The following ZBTB11 variants were observed in gnomAD, a reference collection of about 807,000 sequenced individuals.
ZBTB11 encodes the protein zinc finger and BTB domain-containing protein 11.
A neutral mutation model predicts 113.1 loss-of-function variants in ZBTB11; 68 were observed. The observed-to-expected ratio is 0.60, with a 90% CI of 0.49 to 0.74. The LOEUF is 0.74. ZBTB11 is among the 30% of genes least tolerant of loss of function. The probability of loss-of-function intolerance (pLI) is 0.00; values close to 1 mark genes in which losing one functional copy is unlikely to be tolerated. For missense variants in ZBTB11, 1,104 were observed against 1,279.4 expected (o/e 0.86, Z 2.09); for synonymous variants, 518 against 452.6 (o/e 1.14, Z -1.83).
chr3:101,665,831 A>G (rs1335986940), intron 3 of ZBTB11, 23 bp from the exon 4 acceptor site: 1 of 1,543,916 alleles, frequency 6.5e-7, no homozygotes, highest in South Asian at 1.3e-5. Flanking sequence ...AAAGAAGGTA[A>G]AGACAAAAAA....
At chr3:101,659,650 T>C (rs1936853770) in intron 6 of ZBTB11, 133 bp downstream of exon 6, 1 of 1,117,414 alleles carries the variant, frequency 8.9e-7, no homozygotes. Flanking sequence ...ATCTAGGCAA[T>C]AAAGAAGTCA....
intron 6 of ZBTB11, among the ~76,000 whole-genome samples, chr3:101,657,987 A>C (rs903927450): frequency 6.6e-6 from 1 of 152,172 alleles, no homozygotes; most frequent in African/African-American, 2.4e-5. Flanking sequence ...GGTAATAAGA[A>C]AGACCCTGTC....
At chr3:101,655,018 T>C (rs1936771446) in intron 7 of ZBTB11, among the ~76,000 whole-genome samples, 197 bp from the exon 8 acceptor site, 3 of 152,014 alleles carry the variant, frequency 2.0e-5, no homozygotes, top group South Asian at 2.1e-4. Flanking sequence ...GCTGGGACTA[T>C]AGGCACGTGC....
Position 101,665,571 on chromosome 3 carries a change from C to T in ZBTB11, c.1016G>A (p.Gly339Asp), listed in dbSNP as rs145077673. 1 of 1,614,242 alleles carries T rather than the reference C, an allele frequency of 6.2e-7. No individual in the cohort carries two copies. Among genetic ancestry groups the T allele is most frequent in the Non-Finnish European group, 8.5e-7 (1 of 1,180,042 alleles). The change falls in exon 4 of 11, where the codon GGT becomes GAT. Residue 339 changes from glycine to aspartate, a missense_variant. By Grantham distance (94) the Gly-to-Asp change is moderately conservative. Around this residue, in one of 5 missense-constraint regions of ZBTB11, gnomAD observed 535 missense variants for 518.6 expected, o/e 1.03. Coordinates refer to ENST00000312938, the MANE Select transcript of ZBTB11 (RefSeq NM_014415.4). ...ACTGCTAGCAACAGGAGGTGCTGTACCTCCATTCTGTACTCGTAAGTCCTG... is the reference window on the plus strand; with the variant it reads ...ACTGCTAGCAACAGGAGGTGCTGTATCTCCATTCTGTACTCGTAAGTCCTG... ...STQDLRVQNG[G>D]TAPPVASSEG...
At chr3:101,668,701 C>T (rs1480461706) in intron 3 of ZBTB11, among the ~76,000 whole-genome samples, 1 of 151,500 alleles carries the variant, frequency 6.6e-6, no homozygotes, top group Non-Finnish European at 1.5e-5. Flanking sequence ...ATAGGTATAT[C>T]CTAATTACCC....
rs1936651095 is a variant in ZBTB11, at chr3:101,649,037, C to G, written c.*2129G>C. ...AGATGATCTCCTCTCCAACCGTCCC[C>G]AGCTGAACTCCTCTGGACGTTTAGA... On this transcript the variant is annotated 3_prime_UTR_variant, in exon 11 of 11. Coordinates refer to ENST00000312938, the MANE Select transcript of ZBTB11 (RefSeq NM_014415.4). 1 of 152,278 alleles carries G rather than the reference C, an allele frequency of 6.6e-6. No homozygotes were observed. Among genetic ancestry groups the G allele is most frequent in the Admixed American group, 6.5e-5 (1 of 15,290 alleles). The allele number at this position is 152,278 out of a possible 1,614,324, so 9.4% of individuals were successfully genotyped here.
intron 3 of ZBTB11, among the ~76,000 whole-genome samples, chr3:101,668,507 T>C (rs1937032256): frequency 6.6e-6 from 1 of 151,902 alleles, no homozygotes; most frequent in Admixed American, 6.6e-5. Flanking sequence ...TGTGCACCTG[T>C]GGTCCCACCT....
intron 5 of ZBTB11, among the ~76,000 whole-genome samples, chr3:101,662,962 C>T (rs1335380118): frequency 1.5e-4 from 23 of 148,504 alleles, no homozygotes; most frequent in East Asian, 1.2e-3. Flanking sequence ...TTTTTTGAGA[C>T]GGAGTCTCGC....
chr3:101,676,071 A>C (rs1179304116), intron 1 of ZBTB11, among the ~76,000 whole-genome samples: 1 of 152,226 alleles, frequency 6.6e-6, no homozygotes, highest in Admixed American at 6.5e-5. Flanking sequence ...ATTATTCCTT[A>C]TTTACGCAGC....
intron 3 of ZBTB11, among the ~76,000 whole-genome samples, chr3:101,667,776 T>A (rs1239967567): frequency 6.6e-6 from 1 of 152,032 alleles, no homozygotes; most frequent in Non-Finnish European, 1.5e-5. Flanking sequence ...GAAATGTAAA[T>A]TAGTACACCA....
chr3:101,670,818 C>A, intron 3 of ZBTB11: 1 of 259,094 alleles, frequency 3.9e-6, no homozygotes, highest in Non-Finnish European at 7.4e-6. Context: ...TTTTAAATAA[C>A]ATATTCATTT....
intron 5 of ZBTB11, among the ~76,000 whole-genome samples, chr3:101,663,228 G>A (rs531128385): frequency 8.6e-5 from 13 of 151,980 alleles, no homozygotes; most frequent in South Asian, 6.2e-4. Flanking sequence ...GTGAGCCACC[G>A]CACCCAGCCA....
chr3:101,657,170 A>G (rs1449749227), intron 6 of ZBTB11, among the ~76,000 whole-genome samples: 1 of 150,908 alleles, frequency 6.6e-6, no homozygotes, highest in Admixed American at 6.6e-5. Flanking sequence ...AAAACCCATA[A>G]ATTTACAAAT....
At position 101,652,600 on chromosome 3, in the gene ZBTB11, C is replaced by T. The variant is rs778670346; in HGVS notation, c.2540G>A (p.Gly847Glu). The T allele has an allele frequency of 1.2e-6, 2 of 1,614,134 alleles. No individual in the cohort carries two copies. Among genetic ancestry groups the T allele is most frequent in the Non-Finnish European group, 1.7e-6 (2 of 1,180,014 alleles). Residue 847 changes from glycine (G) to glutamate (E), a missense_variant, in exon 10 of 11, where the codon GGG becomes GAG. By Grantham distance (98) the Gly-to-Glu change is moderately conservative. Coordinates refer to ENST00000312938, the MANE Select transcript of ZBTB11 (RefSeq NM_014415.4). The stretch of plus-strand genomic sequence containing the variant: ...GTTTTGCTTTGCTCTTCCTTTCTTC[C>T]CATGGGTAGCTTTCTTTACATGCCT... ...FRRHVKKATHGKKGRAKQNLE... is the reference protein window; with the variant it reads ...FRRHVKKATHEKKGRAKQNLE...
At chr3:101,673,726 G>A (rs1937118750) in intron 1 of ZBTB11, among the ~76,000 whole-genome samples, 1 of 152,090 alleles carries the variant, frequency 6.6e-6, no homozygotes, top group African/African-American at 2.4e-5. Context: ...TTTTTGCCAG[G>A]CTGGTCTCAA....
rs1424820548 is a variant in ZBTB11, at chr3:101,651,364, C to G, written c.2964G>C (p.Val988=). The G allele has an allele frequency of 6.2e-7, 1 of 1,613,962 alleles. No individual in the cohort carries two copies. Among genetic ancestry groups the G allele is most frequent in the African/African-American group, 1.3e-5 (1 of 75,044 alleles). Residue 988 remains valine, a synonymous_variant, in exon 11 of 11, where the codon GTG becomes GTC. Transcript: ENST00000312938. ...SGPQELETVV[V]TGETMEALEA... ...CCAGAGCTTCCATAGTTTCTCCTGT[C>G]ACTACCACAGTCTCAAGTTCTTGAG...
chr3:101,671,325 T>C lies in ZBTB11; in HGVS notation c.583A>G (p.Lys195Glu). ...TKGVVKRSSPKHCQAVLKQLN... is the reference protein window; with the variant it reads ...TKGVVKRSSPEHCQAVLKQLN... ...TGTTTTAAGACAGCCTGACAATGTTTTGGAGAAGAACGTTTTACCACTCCT... is the reference window on the plus strand; with the variant it reads ...TGTTTTAAGACAGCCTGACAATGTTCTGGAGAAGAACGTTTTACCACTCCT... The change falls in exon 3 of 11, where the codon AAA (lysine) becomes GAA (glutamate). Residue 195 changes from lysine to glutamate, a missense_variant. Physicochemically the swap from Lys to Glu is moderately conservative, Grantham distance 56. Around this residue, in one of 5 missense-constraint regions of ZBTB11, gnomAD observed 245 missense variants for 272.5 expected, o/e 0.90. Coordinates refer to ENST00000312938, the MANE Select transcript of ZBTB11 (RefSeq NM_014415.4). The C allele has an allele frequency of 6.2e-7, 1 of 1,614,182 alleles. No individual in the cohort carries two copies. The highest frequency in any genetic ancestry group is 8.5e-7 in the Non-Finnish European group (1 of 1,180,018).
At chr3:101,660,884 G>A (rs549885638) in intron 5 of ZBTB11, among the ~76,000 whole-genome samples, 1 of 152,062 alleles carries the variant, frequency 6.6e-6, no homozygotes, top group Non-Finnish European at 1.5e-5. Context: ...CCTGCCCCCA[G>A]CTGTACTGGG....
intron 3 of ZBTB11, among the ~76,000 whole-genome samples, chr3:101,669,743 A>G (rs756015160): frequency 2.6e-5 from 4 of 152,164 alleles, no homozygotes; most frequent in Non-Finnish European, 5.9e-5. Context: ...GTTTTTGCTC[A>G]TATGTACACC....
Sources: gnomAD v4.1 joint callset for allele counts (sites outside exome capture counted in the v4.1 genomes callset) on GRCh38, gnomAD v4.1.1 for gene constraint, gnomAD v4.1.1 regional missense constraint, MANE v1.5 for transcripts, NCBI Gene and HGNC (gene_info 2026-07-23, HGNC 2026-07-21) for gene names.